RCAN3: variants seen among roughly 807,000 people sequenced by gnomAD.
RCAN3 encodes the protein calcipressin-3.
RCAN3 carries 19 observed loss-of-function variants against 21.9 expected under a neutral mutation model. The observed-to-expected ratio is 0.87, with a 90% CI of 0.61 to 1.27. The LOEUF is 1.27. RCAN3 is among the 50% of genes most tolerant of loss of function. The probability of loss-of-function intolerance (pLI) is 0.00; values close to 1 mark genes in which losing one functional copy is unlikely to be tolerated. For missense variants in RCAN3, 240 were observed against 300.1 expected, an observed-to-expected ratio of 0.80 and a Z score of 1.48; for synonymous variants, 114 against 112.3, an observed-to-expected ratio of 1.01 and a Z score of -0.09.
At chr1:24,507,982 G>A (rs1200354753) in intron 1 of RCAN3, among the ~76,000 whole-genome samples, 5 of 152,340 alleles carry the variant, frequency 3.3e-5, no homozygotes, top group Non-Finnish European at 1.5e-5. Flanking sequence ...GGAGGCTGAG[G>A]CAGGAGAATC....
chr1:24,537,217 T>TAACA lies in RCAN3; in HGVS notation c.*1941_*1944dup, dbSNP rs1030119439. 4.6e-5 allele frequency: 7 copies of TAACA among 152,194 alleles called. No homozygotes were observed. Among genetic ancestry groups the TAACA allele is most frequent in the African/African-American group, 1.7e-4 (7 of 41,454 alleles). 9.4% of individuals were successfully genotyped at this position (152,194 alleles called of 1,614,324 possible). Reference sequence around the variant, plus strand: ...TGCCCATTAAAGAATATTCTATTCCTAACACATAAAACATTTTACAGTCAA... The same window carrying TAACA: ...TGCCCATTAAAGAATATTCTATTCCTAACAAACACATAAAACATTTTACAGTCAA... On this transcript the variant is annotated 3_prime_UTR_variant, in exon 5 of 5. Transcript: ENST00000374395.
intron 2 of RCAN3, among the ~76,000 whole-genome samples, chr1:24,520,104 A>C (rs1377694734): frequency 6.6e-6 from 1 of 152,220 alleles, no homozygotes; most frequent in Non-Finnish European, 1.5e-5. Flanking sequence ...AGAATCCTTT[A>C]AGGAAAGTGA....
In RCAN3 at chr1:24,537,661, G is replaced by C. The variant is rs1248146025; in HGVS notation, c.*2384G>C. 6.6e-6 allele frequency: 1 copy of C among 152,148 alleles called. No individual in the cohort carries two copies. Among genetic ancestry groups the C allele is most frequent in the African/African-American group, 2.4e-5 (1 of 41,418 alleles). The allele number at this position is 152,148 out of a possible 1,614,324, so 9.4% of individuals were successfully genotyped here. ...CACCATAATCCCAGCACTTTGGGAG[G>C]CCAAGGTGGGTGGATCCACCTGAGG... is the stretch of plus-strand genomic sequence containing the variant. On this transcript the variant is annotated 3_prime_UTR_variant, in exon 5 of 5. Transcript: ENST00000374395.
At chr1:24,529,468 T>C (rs539504108) in intron 2 of RCAN3, among the ~76,000 whole-genome samples, 2 of 151,140 alleles carry the variant, frequency 1.3e-5, no homozygotes, top group South Asian at 4.2e-4. Context: ...GGCGGGTGGC[T>C]TGAGCCCAGG....
chr1:24,505,225 CTTTTTTCTTTTTTTTTTTTTT>C (rs1647340072), intron 1 of RCAN3, among the ~76,000 whole-genome samples: 1 of 109,556 alleles, frequency 9.1e-6, no homozygotes, highest in East Asian at 2.8e-4. Flanking sequence ...TTTTTTTTCT[CTTTTTTCTTTTTTTTTTTTTT>C]TTTTTTTCTT....
At chr1:24,515,964 G>A (rs1285502929) in intron 2 of RCAN3, among the ~76,000 whole-genome samples, 1 of 152,118 alleles carries the variant, frequency 6.6e-6, no homozygotes, top group Non-Finnish European at 1.5e-5. Flanking sequence ...CCAACATGGT[G>A]AAACCCCGTT....
At chr1:24,516,508 A>G in intron 2 of RCAN3, among the ~76,000 whole-genome samples, 1 of 152,096 alleles carries the variant, frequency 6.6e-6, no homozygotes, top group East Asian at 1.9e-4. Context: ...AGTGTGGGCC[A>G]TTTCGGGAGT....
chr1:24,510,463 G>A (rs970206103), intron 1 of RCAN3, among the ~76,000 whole-genome samples: 1 of 152,216 alleles, frequency 6.6e-6, no homozygotes, highest in Admixed American at 6.5e-5. Context: ...GCACTTCTAT[G>A]TTATAGAGAC....
chr1:24,526,623 CTT>C (rs879795375), intron 2 of RCAN3, among the ~76,000 whole-genome samples: 1 of 152,174 alleles, frequency 6.6e-6, no homozygotes, highest in African/African-American at 2.4e-5. Flanking sequence ...ATACATGAGC[CTT>C]TTCCCTTGGG....
At chr1:24,514,280 A>G in intron 1 of RCAN3, 34 bp from the exon 2 acceptor site, 1 of 1,155,116 alleles carries the variant, frequency 8.7e-7, no homozygotes, top group South Asian at 2.0e-5. Context: ...TGGTCTTCGG[A>G]GTTTTACCTC....
In RCAN3 at chr1:24,533,129, C is replaced by A; in HGVS notation, c.416C>A (p.Pro139His). 6.3e-7 allele frequency: 1 copy of A among 1,581,328 alleles called. No individual in the cohort carries two copies. ...CGGGACAAGTCCTATCTCCTGCCGC[C>A]CCAGCCTGTCAAGCAGTTCCTCATC... is the stretch of plus-strand genomic sequence containing the variant. The part of the protein sequence containing the change: ...EVRDKSYLLP[P>H]QPVKQFLISP... Residue 139 changes from proline (P) to histidine (H), a missense_variant, in exon 4 of 5, where the codon CCC (proline) becomes CAC (histidine). Physicochemically the swap from Pro to His is moderately conservative, Grantham distance 77 (BLOSUM62 -2). Coordinates refer to ENST00000374395, the MANE Select transcript of RCAN3 (RefSeq NM_013441.4).
intron 2 of RCAN3, among the ~76,000 whole-genome samples, chr1:24,524,823 C>CT (rs1408221197): frequency 1.2e-3 from 135 of 115,846 alleles, no homozygotes; most frequent in East Asian, 1.1e-3. Context: ...ATTTTGTTTT[C>CT]TTTTGTTTTT....
At chr1:24,506,051 G>T (rs77928273) in intron 1 of RCAN3, among the ~76,000 whole-genome samples, 280 of 152,262 alleles carry the variant, frequency 1.8e-3, no homozygotes, top group African/African-American at 6.4e-3. Flanking sequence ...GAAGCCAGCC[G>T]TAGTTAGAGT....
chr1:24,508,273 G>C (rs1036607950), intron 1 of RCAN3, among the ~76,000 whole-genome samples: 5 of 152,206 alleles, frequency 3.3e-5, no homozygotes, highest in African/African-American at 1.2e-4. Flanking sequence ...TTGGGGACAT[G>C]GTACTTTTCC....
chr1:24,529,296 T>G (rs1649545906), intron 2 of RCAN3, among the ~76,000 whole-genome samples: 1 of 151,596 alleles, frequency 6.6e-6, no homozygotes, highest in African/African-American at 2.4e-5. Context: ...CTCATGCCTG[T>G]AATCCCAGCA....
intron 3 of RCAN3, among the ~76,000 whole-genome samples, chr1:24,532,812 C>T (rs908700593): frequency 1.3e-5 from 2 of 151,150 alleles, no homozygotes; most frequent in Admixed American, 6.6e-5. Context: ...ATTAGCCGGG[C>T]GTGGTGACAT....
chr1:24,539,647 A>G lies in RCAN3; in HGVS notation c.*4370A>G, dbSNP rs1054143968. On this transcript the variant is annotated 3_prime_UTR_variant, in exon 5 of 5. Transcript: ENST00000374395. ...CTATGACTGGCCTATTCAAGGCTTC[A>G]TATTTTTATACAGACTATTTCACAG... The G allele has an allele frequency of 6.6e-6, 1 of 152,250 alleles. No individual in the cohort carries two copies. Among genetic ancestry groups the G allele is most frequent in the Non-Finnish European group, 1.5e-5 (1 of 68,044 alleles). The allele number at this position is 152,250 out of a possible 1,614,324, so 9.4% of individuals were successfully genotyped here.
intron 2 of RCAN3, among the ~76,000 whole-genome samples, chr1:24,519,394 G>T (rs1360947735): frequency 6.6e-6 from 1 of 151,922 alleles, no homozygotes; most frequent in African/African-American, 2.4e-5. Context: ...TGAACATGAG[G>T]AGTTTTCAAA....
intron 1 of RCAN3, among the ~76,000 whole-genome samples, chr1:24,513,280 T>C (rs1175304583): frequency 6.6e-6 from 1 of 152,096 alleles, no homozygotes; most frequent in Non-Finnish European, 1.5e-5. Context: ...TTTTCTTTAA[T>C]TTTTTGTAGG....
Sources: allele counts gnomAD v4.1 joint callset (sites outside exome capture counted in the v4.1 genomes callset), GRCh38; gene constraint gnomAD v4.1.1; transcripts MANE v1.5; gene names NCBI Gene and HGNC (gene_info 2026-07-23, HGNC 2026-07-21).